The following PLIN3 variants were observed in gnomAD, a reference collection of about 807,000 sequenced individuals.
PLIN3 encodes the protein perilipin 3.
A neutral mutation model predicts 35.9 loss-of-function variants in PLIN3; 30 were observed. The observed-to-expected ratio is 0.84, with a 90% CI of 0.62 to 1.13. PLIN3 has a LOEUF of 1.13. PLIN3 is among the 50% of genes most tolerant of loss of function. PLIN3 has a pLI of 0.00. For synonymous variants in PLIN3, 261 were observed against 262.5 expected (o/e 0.99, Z 0.06); for missense variants, 603 against 596.9 (o/e 1.01, Z -0.11).
chr19:4,842,115 A>AC (rs1189431715), intron 7 of PLIN3, among the ~76,000 whole-genome samples: 15 of 151,244 alleles, frequency 9.9e-5, no homozygotes, highest in African/African-American at 3.4e-4. Flanking sequence ...ACATGGTGAG[A>AC]CCCCATCTCT....
chr19:4,844,508 G>A (rs1218257102), intron 7 of PLIN3, among the ~76,000 whole-genome samples, 160 bp downstream of exon 7: 1 of 152,126 alleles, frequency 6.6e-6, no homozygotes, highest in Admixed American at 6.6e-5. Context: ...CCCAAGAGGA[G>A]AAATCAAGGC....
intron 4 of PLIN3, among the ~76,000 whole-genome samples, chr19:4,858,543 A>C (rs950105045): frequency 6.7e-6 from 1 of 149,754 alleles, no homozygotes. Flanking sequence ...ACGCCAAGCT[A>C]ATTTTTTTTT....
chr19:4,845,090 T>C (rs1229566991), intron 6 of PLIN3, among the ~76,000 whole-genome samples: 3 of 152,154 alleles, frequency 2.0e-5, no homozygotes, highest in Non-Finnish European at 2.9e-5. Context: ...TGGCTGGCTT[T>C]GGCCAATGGG....
intron 7 of PLIN3, among the ~76,000 whole-genome samples, chr19:4,841,010 G>A (rs1248900339): frequency 1.3e-5 from 2 of 152,148 alleles, no homozygotes; most frequent in African/African-American, 4.8e-5. Flanking sequence ...GTCAAGAGGC[G>A]GAGAAATTGG....
At position 4,854,766 on chromosome 19, in the gene PLIN3, G is replaced by GA. The variant is rs1398325204; in HGVS notation, c.349-2466dup. On this transcript the variant is annotated intron_variant, in intron 4 of 7. Coordinates refer to ENST00000221957, the MANE Select transcript of PLIN3 (RefSeq NM_005817.5). ...GGAAAGTTACCTCTTCACAAAGGGG[G>GA]AAAAAACTCATAGGGCCCAGAATTG... Among the ~76,000 whole-genome samples, 16 of 152,014 alleles carry GA rather than the reference G, an allele frequency of 1.1e-4. No homozygotes were observed. In the East Asian group the frequency reaches 2.5e-3, roughly 24 times the overall value.
At chr19:4,861,089 G>A (rs925076648) in intron 2 of PLIN3, among the ~76,000 whole-genome samples, 1 of 152,198 alleles carries the variant, frequency 6.6e-6, no homozygotes, top group Non-Finnish European at 1.5e-5. Flanking sequence ...CAGGGGTTGG[G>A]GAGGGCAGGT....
At position 4,839,866 on chromosome 19, in the gene PLIN3, C is replaced by T. The variant is rs573958579; in HGVS notation, c.961-330G>A. ...ATTTTTAGTAGAGACGGGGTTTCAC[C>T]GTGTTAGCCAGGATGGTCTTGATCT... On this transcript the variant is annotated intron_variant, in intron 7 of 7. Coordinates refer to ENST00000221957, the MANE Select transcript of PLIN3 (RefSeq NM_005817.5). Among the ~76,000 whole-genome samples the T allele has an allele frequency of 2.7e-5, 4 of 150,916 alleles. No homozygotes were observed. The East Asian group carries it at 5.9e-4, about 22-fold the overall frequency.
intron 6 of PLIN3, among the ~76,000 whole-genome samples, chr19:4,845,112 T>A (rs140449259): frequency 2.6e-5 from 4 of 152,116 alleles, no homozygotes; most frequent in Admixed American, 1.3e-4. Flanking sequence ...CATGAGCAGA[T>A]GGAACCAGCA....
intron 4 of PLIN3, among the ~76,000 whole-genome samples, chr19:4,857,013 A>T (rs1041379892): frequency 7.2e-5 from 11 of 151,870 alleles, no homozygotes; most frequent in Non-Finnish European, 1.5e-4. Flanking sequence ...TCTGTGCCTC[A>T]TTTTTTCATC....
intron 7 of PLIN3, among the ~76,000 whole-genome samples, chr19:4,841,405 G>A (rs2029888990): frequency 6.6e-6 from 1 of 152,106 alleles, no homozygotes; most frequent in African/African-American, 2.4e-5. Context: ...AAATGTCCAG[G>A]ACAGGCCCAT....
rs150994495 is a variant in PLIN3 at position 4,851,282 on chromosome 19, T to C, written c.634+734A>G. On this transcript the variant is annotated intron_variant, in intron 5 of 7. Coordinates refer to ENST00000221957, the MANE Select transcript of PLIN3 (RefSeq NM_005817.5). ...GAGTTCGAGACCAGCCTGGCCAACA[T>C]AGTGAAACCCCGTTTCTACTAAAAA... 6.1e-3 allele frequency among the ~76,000 whole-genome samples: 932 copies of C among 152,122 alleles called. 4 individuals are homozygous for C. Among genetic ancestry groups the C allele is most frequent in the Middle Eastern group, 0.01 (3 of 294 alleles).
At position 4,839,317 on chromosome 19, in the gene PLIN3, C is replaced by T; in HGVS notation, c.1180G>A (p.Val394Ile). Residue 394 changes from valine to isoleucine, a missense_variant, in exon 8 of 8, where the codon GTC becomes ATC. By Grantham distance (29) the Val-to-Ile change is conservative. Coordinates refer to ENST00000221957, the MANE Select transcript of PLIN3 (RefSeq NM_005817.5). ...SSILAQSRER[V>I]ASAREALDHM... ...TCCAGGGCCTCGCGGGCGCTGGCGA[C>T]ACGCTCACGGCTCTGGGCCAGAATG... 6.2e-7 allele frequency: 1 copy of T among 1,614,008 alleles called. No homozygotes were observed. Among genetic ancestry groups the T allele is most frequent in the Non-Finnish European group, 8.5e-7 (1 of 1,179,972 alleles).
chr19:4,851,924 T>G, intron 5 of PLIN3, 92 bp downstream of exon 5: 1 of 1,338,014 alleles, frequency 7.5e-7, no homozygotes, highest in Non-Finnish European at 1.0e-6. Context: ...GAGGCGGCAG[T>G]GAGTGTCGGC....
chr19:4,862,190 G>C (rs1315134909), intron 1 of PLIN3, among the ~76,000 whole-genome samples: 1 of 151,166 alleles, frequency 6.6e-6, no homozygotes, highest in African/African-American at 2.4e-5. Flanking sequence ...GAGTGCAGTG[G>C]CACGATCTCG....
chr19:4,845,398 C>A (rs1464769820), intron 6 of PLIN3, among the ~76,000 whole-genome samples: 2 of 151,972 alleles, frequency 1.3e-5, no homozygotes, highest in Non-Finnish European at 2.9e-5. Flanking sequence ...TGCACTCCAG[C>A]CTGGGTGACA....
chr19:4,842,044 GA>G (rs1226910141), intron 7 of PLIN3, among the ~76,000 whole-genome samples: 5 of 151,776 alleles, frequency 3.3e-5, no homozygotes, highest in African/African-American at 1.2e-4. Flanking sequence ...TCAGGTCCTT[GA>G]AAATTTCCTT....
At chr19:4,842,739 A>T (rs577669735) in intron 7 of PLIN3, among the ~76,000 whole-genome samples, 1 of 151,654 alleles carries the variant, frequency 6.6e-6, no homozygotes, top group East Asian at 1.9e-4. Flanking sequence ...TGGTTTTTTC[A>T]TTTGAAAAGT....
intron 6 of PLIN3, among the ~76,000 whole-genome samples, chr19:4,845,880 C>T (rs1474731477): frequency 1.4e-5 from 2 of 143,122 alleles, no homozygotes; most frequent in Non-Finnish European, 3.0e-5. Context: ...GCAGAGACTG[C>T]ATGCCACTGC....
rs1256314522 is a variant in PLIN3 at position 4,852,158 on chromosome 19, C to T, written c.492G>A (p.Lys164=). 1 of 1,613,896 alleles carries T rather than the reference C, an allele frequency of 6.2e-7. No homozygotes were observed. The highest frequency in any genetic ancestry group is 1.6e-4 in the Middle Eastern group (1 of 6,084). Residue 164 remains lysine, a synonymous_variant, in exon 5 of 8, where the codon AAG becomes AAA. Transcript: ENST00000221957. ...TRGAVQSGVD[K]TKSVVTGGVQ... is the part of the protein sequence containing the mutation. The stretch of plus-strand genomic sequence containing the variant: ...CGCCGCCGGTCACTACGGACTTTGT[C>T]TTGTCCACGCCGCTCTGCACAGCAC...
Sources: gnomAD v4.1 joint callset for allele counts (sites outside exome capture counted in the v4.1 genomes callset) on GRCh38, gnomAD v4.1.1 for gene constraint, MANE v1.5 for transcripts, NCBI Gene and HGNC (gene_info 2026-07-23, HGNC 2026-07-21) for gene names.